The following MNS1 variants were observed in gnomAD, a reference collection of about 807,000 sequenced individuals.
MNS1 encodes the protein meiosis specific nuclear structural 1, also known as meiosis-specific nuclear structural protein 1.
MNS1 carries 63 observed loss-of-function variants against 72.0 expected under a neutral mutation model. The ratio of observed to expected loss-of-function variants is 0.87; its 90% CI spans 0.71 to 1.08. The LOEUF (loss-of-function observed/expected upper bound fraction) is 1.08, where lower values mean the gene tolerates loss of function less well. Among genes scored for constraint, MNS1 ranks in the 50% least tolerant of loss-of-function variants. The pLI, the probability that MNS1 is intolerant of heterozygous loss-of-function variation, is 0.00. For missense variants in MNS1, 604 were observed against 562.4 expected (o/e 1.07, Z -0.75); for synonymous variants, 188 against 172.1 (o/e 1.09, Z -0.72).
At chr15:56,457,373 A>T (rs551147727) in intron 2 of MNS1, among the ~76,000 whole-genome samples, 2 of 152,350 alleles carry the variant, frequency 1.3e-5, no homozygotes, top group East Asian at 3.9e-4. Context: ...TGCAAATTAG[A>T]ATTGCAAGGA....
rs547773434 is a variant in MNS1, at chr15:56,431,443, G to A, written c.1325C>T (p.Ala442Val). 1.2e-5 allele frequency: 19 copies of A among 1,613,414 alleles called. No individual in the cohort carries two copies. The South Asian group carries it at 1.9e-4, about 16-fold the overall frequency. Reference sequence around the variant, plus strand: ...TTTTAGCCTTTCTTCTTCAATAATTGCATTAATAAATCCTTGCCGCCTTTG... The same window carrying A: ...TTTTAGCCTTTCTTCTTCAATAATTACATTAATAAATCCTTGCCGCCTTTG... ...LQQRRQGFIN[A>V]IIEEERLKLL... is the part of the protein sequence containing the mutation. The change falls in exon 9 of 10, where the codon GCA (alanine) becomes GTA (valine). Residue 442 changes from alanine (A) to valine (V), a missense_variant. Transcript: ENST00000260453.
chr15:56,438,747 T>C (rs987613678), intron 7 of MNS1, among the ~76,000 whole-genome samples: 2 of 152,206 alleles, frequency 1.3e-5, no homozygotes, highest in African/African-American at 2.4e-5. Context: ...TCTACCCATC[T>C]GACCAAGGGG....
At chr15:56,461,552 T>C (rs1220909010) in intron 2 of MNS1, among the ~76,000 whole-genome samples, 1 of 150,934 alleles carries the variant, frequency 6.6e-6, no homozygotes, top group African/African-American at 2.4e-5. Context: ...TCTCAGCTAC[T>C]TGGGAGGCTG....
chr15:56,444,534 T>TC lies in MNS1; in HGVS notation c.595dup (p.Glu199GlyfsTer9). On this transcript the variant is annotated frameshift_variant, in exon 5 of 10. Coordinates refer to ENST00000260453, the MANE Select transcript of MNS1 (RefSeq NM_018365.4). LOFTEE classifies it high-confidence loss of function. The stretch of plus-strand genomic sequence containing the variant: ...CTCATAAGCTTCCTGCTTTTTTTTT[T>TC]CTTGTTCTTCAAGTTGTTTCTCTAA... 6.2e-7 allele frequency: 1 copy of TC among 1,612,714 alleles called. No individual in the cohort carries two copies. The highest frequency in any genetic ancestry group is 8.5e-7 in the Non-Finnish European group (1 of 1,179,452).
At chr15:56,439,458 T>C (rs1303504984) in intron 7 of MNS1, among the ~76,000 whole-genome samples, 1 of 151,846 alleles carries the variant, frequency 6.6e-6, no homozygotes. Flanking sequence ...AAAAAAAAAT[T>C]TTAAGACTTG....
chr15:56,455,658 T>C (rs1042232535), intron 3 of MNS1, among the ~76,000 whole-genome samples: 1 of 152,174 alleles, frequency 6.6e-6, no homozygotes, highest in Non-Finnish European at 1.5e-5. Flanking sequence ...AGTAATTCGA[T>C]CTTAGGCAGG....
At chr15:56,434,984 C>T (rs547160564) in intron 7 of MNS1, among the ~76,000 whole-genome samples, 2 of 152,010 alleles carry the variant, frequency 1.3e-5, no homozygotes, top group Non-Finnish European at 1.5e-5. Context: ...ATTTTCTGAA[C>T]ATTTTATTAT....
chr15:56,463,511 C>T (rs1177806547), intron 2 of MNS1, among the ~76,000 whole-genome samples: 2 of 152,060 alleles, frequency 1.3e-5, no homozygotes, highest in Non-Finnish European at 2.9e-5. Flanking sequence ...AGGCTGGGCG[C>T]GGTGGCTCAC....
Position 56,444,430 on chromosome 15 carries a change from T to C in MNS1, c.686+14A>G. ...TAAACATTTAGACATGTAAGAAAGTTAGGATAAACTTACAACTGATCTTCT... is the reference window on the plus strand; with the variant it reads ...TAAACATTTAGACATGTAAGAAAGTCAGGATAAACTTACAACTGATCTTCT... On this transcript the variant is annotated intron_variant, in intron 5 of 9. Coordinates refer to ENST00000260453, the MANE Select transcript of MNS1 (RefSeq NM_018365.4). 1 of 1,578,426 alleles carries C rather than the reference T, an allele frequency of 6.3e-7. No individual in the cohort carries two copies. Among genetic ancestry groups the C allele is most frequent in the South Asian group, 1.1e-5 (1 of 87,372 alleles).
At chr15:56,452,541 C>CA (rs2050954454) in intron 3 of MNS1, among the ~76,000 whole-genome samples, 1 of 145,318 alleles carries the variant, frequency 6.9e-6, no homozygotes, top group Non-Finnish European at 1.5e-5. Flanking sequence ...TTTTTTGAGA[C>CA]AGAGTCTCTC....
rs1158004449 is a variant in MNS1 at position 56,428,994 on chromosome 15, CCAAA to C, written c.*103_*106del. 3 of 592,914 alleles carry C rather than the reference CCAAA, an allele frequency of 5.1e-6. No homozygotes were observed. Among genetic ancestry groups the C allele is most frequent in the African/African-American group, 2.0e-5 (1 of 51,104 alleles). The allele number at this position is 592,914 out of a possible 1,614,324, so 36.7% of individuals were successfully genotyped here. On this transcript the variant is annotated 3_prime_UTR_variant, in exon 10 of 10. Transcript: ENST00000260453. ...GAAATTCAGTGATGATTTACAAAAT[CCAAA>C]CAGACAATGGATACCTAATGCCACT...
At chr15:56,437,422 T>C (rs191124347) in intron 7 of MNS1, among the ~76,000 whole-genome samples, 1 of 152,062 alleles carries the variant, frequency 6.6e-6, no homozygotes, top group African/African-American at 2.4e-5. Context: ...ACAGCCCTTC[T>C]TGCTAAAAAC....
chr15:56,440,636 A>C (rs1454830296), intron 7 of MNS1, among the ~76,000 whole-genome samples: 1 of 152,204 alleles, frequency 6.6e-6, no homozygotes, highest in Admixed American at 6.5e-5. Flanking sequence ...CTCAGCAAAA[A>C]AAGGGAACAA....
chr15:56,438,629 C>A (rs28895874), intron 7 of MNS1, among the ~76,000 whole-genome samples: 4,707 of 152,174 alleles, frequency 0.031, 180 homozygotes, highest in East Asian at 0.091. Flanking sequence ...GCAACAAAAG[C>A]CAAAATTGAC....
At chr15:56,460,009 A>AAAAAAAATATATATATATAT in intron 2 of MNS1, among the ~76,000 whole-genome samples, 3 of 26,384 alleles carry the variant, frequency 1.1e-4, no homozygotes, top group African/African-American at 1.5e-4. Context: ...AAAAAAAAAA[A>AAAAAAAATATATATATATAT]ATACATATAT....
intron 7 of MNS1, among the ~76,000 whole-genome samples, chr15:56,442,680 C>T (rs775277326): frequency 6.6e-6 from 1 of 152,082 alleles, no homozygotes; most frequent in Non-Finnish European, 1.5e-5. Context: ...CAAGTAACAG[C>T]TAAATATTGA....
intron 9 of MNS1, among the ~76,000 whole-genome samples, chr15:56,430,822 T>G (rs2050569824): frequency 6.6e-6 from 1 of 152,160 alleles, no homozygotes; most frequent in Non-Finnish European, 1.5e-5. Flanking sequence ...GTACTACAGT[T>G]GTTCTAGGGT....
At chr15:56,459,984 CTG>C (rs2051006315) in intron 2 of MNS1, among the ~76,000 whole-genome samples, 1 of 19,722 alleles carries the variant, frequency 5.1e-5, no homozygotes, top group Non-Finnish European at 8.6e-5. Context: ...GAGCGAAATT[CTG>C]TCTCAAAAAA....
intron 2 of MNS1, among the ~76,000 whole-genome samples, chr15:56,462,526 TAAAG>T (rs1173237330): frequency 6.6e-6 from 1 of 152,138 alleles, no homozygotes. Flanking sequence ...GGAAATAAAT[TAAAG>T]GAACATGAGG....
Sources: gnomAD v4.1 joint callset for allele counts (sites outside exome capture counted in the v4.1 genomes callset) on GRCh38, gnomAD v4.1.1 for gene constraint, MANE v1.5 for transcripts, NCBI Gene and HGNC (gene_info 2026-07-23, HGNC 2026-07-21) for gene names.